CNBD1: variants seen among roughly 807,000 people sequenced by gnomAD.
CNBD1 encodes the protein cyclic nucleotide-binding domain-containing protein 1.
In CNBD1, 71 loss-of-function variants were observed where a neutral mutation model predicts 54.4. That is an observed-to-expected ratio of 1.30 (90% CI 1.08 to 1.59). The LOEUF is 1.59. Ranked by LOEUF, CNBD1 falls within the 40% of genes most tolerant of loss-of-function variation. The pLI, the probability that CNBD1 is intolerant of heterozygous loss-of-function variation, is 0.00. For synonymous variants in CNBD1, 182 were observed against 170.7 expected (o/e 1.07, Z -0.51); for missense variants, 659 against 518.0 (o/e 1.27, Z -2.64).
intron 5 of CNBD1, among the ~76,000 whole-genome samples, chr8:87,225,143 G>A (rs371515043): frequency 2.7e-5 from 4 of 150,104 alleles, no homozygotes; most frequent in East Asian, 3.9e-4. Flanking sequence ...GAGATTTTGG[G>A]CTGAGACAAT....
At chr8:87,222,264 G>A (rs1319187433) in intron 5 of CNBD1, among the ~76,000 whole-genome samples, 4 of 152,102 alleles carry the variant, frequency 2.6e-5, no homozygotes, top group Admixed American at 6.6e-5. Context: ...TCTTTGGAGA[G>A]AAATACTGTA....
intron 4 of CNBD1, among the ~76,000 whole-genome samples, chr8:86,961,357 C>T (rs1227992713): frequency 6.6e-6 from 1 of 152,206 alleles, no homozygotes; most frequent in Non-Finnish European, 1.5e-5. Flanking sequence ...ACACTGGGGC[C>T]AAACAGCACC....
At chr8:86,904,925 T>A (rs1240400300) in intron 2 of CNBD1, among the ~76,000 whole-genome samples, 156 bp from the exon 3 acceptor site, 1 of 152,174 alleles carries the variant, frequency 6.6e-6, no homozygotes, top group Non-Finnish European at 1.5e-5. Flanking sequence ...GATTTGGATA[T>A]TTTTAAAGCA....
At chr8:87,380,372 T>A (rs1811049559) in intron 10 of CNBD1, among the ~76,000 whole-genome samples, 1 of 151,952 alleles carries the variant, frequency 6.6e-6, no homozygotes, top group Admixed American at 6.6e-5. Flanking sequence ...GTTCTATTAC[T>A]CTGTATGATT....
intron 2 of CNBD1, among the ~76,000 whole-genome samples, chr8:87,391,185 T>C (rs1296293428): frequency 6.6e-6 from 1 of 152,130 alleles, no homozygotes; most frequent in African/African-American, 2.4e-5. Context: ...GGCATATGTA[T>C]ACATATGTGA....
chr8:87,108,679 A>C (rs899630525), intron 4 of CNBD1, among the ~76,000 whole-genome samples: 2 of 152,218 alleles, frequency 1.3e-5, no homozygotes, highest in African/African-American at 4.8e-5. Flanking sequence ...AATTTGGGAA[A>C]TGCGATAATT....
chr8:86,944,236 T>C (rs1333818399), intron 4 of CNBD1, among the ~76,000 whole-genome samples: 1 of 152,224 alleles, frequency 6.6e-6, no homozygotes, highest in Non-Finnish European at 1.5e-5. Context: ...ACTCATTTTA[T>C]TTTTCATCCA....
Position 86,910,031 on chromosome 8 carries a change from T to C in CNBD1, c.272+4837T>C, listed in dbSNP as rs558264064. On this transcript the variant is annotated intron_variant, in intron 3 of 10. Coordinates refer to ENST00000518476, the MANE Select transcript of CNBD1 (RefSeq NM_173538.3). ...TCTCAAGGGAGACAGCCTTAAGCAA[T>C]AATCCTGCTAATAATAATTTAAGCA... Among the ~76,000 whole-genome samples, 5 of 152,322 alleles carry C rather than the reference T, an allele frequency of 3.3e-5. No individual in the cohort carries two copies. The South Asian group carries it at 1.0e-3, about 32-fold the overall frequency.
At chr8:86,952,350 T>A (rs1563834551) in intron 4 of CNBD1, among the ~76,000 whole-genome samples, 2 of 152,204 alleles carry the variant, frequency 1.3e-5, no homozygotes, top group African/African-American at 4.8e-5. Flanking sequence ...GTGTGAATTA[T>A]CTGATAGTGG....
intron 1 of CNBD1, among the ~76,000 whole-genome samples, chr8:86,874,779 A>T (rs548364361): frequency 1.3e-5 from 2 of 151,764 alleles, no homozygotes; most frequent in African/African-American, 4.8e-5. Flanking sequence ...TTCTGACACA[A>T]TGGGATTTTT....
chr8:87,228,515 G>T (rs900485594), intron 5 of CNBD1, among the ~76,000 whole-genome samples: 1 of 149,616 alleles, frequency 6.7e-6, no homozygotes, highest in African/African-American at 2.6e-5. Context: ...AGGTGTCAGT[G>T]TGCCCCTGCT....
chr8:87,025,097 T>C (rs1809606447), intron 4 of CNBD1, among the ~76,000 whole-genome samples: 1 of 151,988 alleles, frequency 6.6e-6, no homozygotes, highest in African/African-American at 2.4e-5. Context: ...TGGAGAACTT[T>C]TGTGTCTAGC....
chr8:87,328,652 G>C (rs1379172842), intron 8 of CNBD1, among the ~76,000 whole-genome samples: 1 of 151,804 alleles, frequency 6.6e-6, no homozygotes, highest in East Asian at 1.9e-4. Context: ...ATGCTATTGG[G>C]TTTTAAATAC....
chr8:87,030,491 A>G (rs1375409337), intron 4 of CNBD1, among the ~76,000 whole-genome samples: 1 of 152,166 alleles, frequency 6.6e-6, no homozygotes, highest in Non-Finnish European at 1.5e-5. Context: ...GTATTTAGAA[A>G]TCACTTGCTC....
chr8:87,090,844 CTTT>C (rs944597190), intron 4 of CNBD1, among the ~76,000 whole-genome samples: 3 of 151,928 alleles, frequency 2.0e-5, no homozygotes, highest in African/African-American at 4.8e-5. Context: ...TGCTGGGATT[CTTT>C]TTAGAAAGTT....
chr8:87,347,603 C>T (rs1047728066), intron 8 of CNBD1, among the ~76,000 whole-genome samples: 1 of 152,060 alleles, frequency 6.6e-6, no homozygotes, highest in Non-Finnish European at 1.5e-5. Context: ...ATAGAGTAGT[C>T]ACGGTGATCT....
rs1454933834 is a variant in CNBD1, at chr8:87,410,788, T to A, written c.214-17758T>A. 5.9e-5 allele frequency among the ~76,000 whole-genome samples: 9 copies of A among 152,192 alleles called. No individual in the cohort carries two copies. In the East Asian group the frequency reaches 1.6e-3, roughly 26 times the overall value. ...TGAGCAAATTTCATTGTTGCATTGTTGTCGTATTTTGAGAAACTGCCACAG... is the reference window on the plus strand; with the variant it reads ...TGAGCAAATTTCATTGTTGCATTGTAGTCGTATTTTGAGAAACTGCCACAG... On this transcript the variant is annotated intron_variant, in intron 2 of 7. Transcript: ENST00000521593.
intron 4 of CNBD1, among the ~76,000 whole-genome samples, chr8:87,174,905 T>C (rs1266207939): frequency 1.3e-5 from 2 of 152,158 alleles, no homozygotes; most frequent in African/African-American, 4.8e-5. Flanking sequence ...TTCTCTTCCG[T>C]AATTTCTCCC....
At chr8:87,066,680 G>C (rs528181341) in intron 4 of CNBD1, among the ~76,000 whole-genome samples, 5 of 151,746 alleles carry the variant, frequency 3.3e-5, no homozygotes, top group African/African-American at 1.2e-4. Context: ...CATTGTTCTT[G>C]TCTGATATAT....
Sources: allele counts gnomAD v4.1 joint callset (sites outside exome capture counted in the v4.1 genomes callset), GRCh38; gene constraint gnomAD v4.1.1; transcripts MANE v1.5; gene names NCBI Gene and HGNC (gene_info 2026-07-23, HGNC 2026-07-21).